Variants in CDH11 observed in about 807,000 individuals in gnomAD.
CDH11 encodes the protein cadherin 11.
A neutral mutation model predicts 67.8 loss-of-function variants in CDH11; 11 were observed. The observed-to-expected ratio is 0.16, with a 90% CI of 0.10 to 0.27. CDH11 has a LOEUF of 0.27. CDH11 is among the 10% of genes least tolerant of loss of function. The pLI is 1.00. For synonymous variants in CDH11, 419 were observed against 400.0 expected (o/e 1.05, Z -0.57); for missense variants, 847 against 1,031.2 (o/e 0.82, Z 2.45).
intron 11 of CDH11, among the ~76,000 whole-genome samples, chr16:64,970,934 A>T: frequency 6.6e-6 from 1 of 152,194 alleles, no homozygotes; most frequent in Non-Finnish European, 1.5e-5. Context: ...TACCAACTTT[A>T]TCTAGGGACT....
At chr16:64,954,701 G>C (rs1388748438) in intron 11 of CDH11, among the ~76,000 whole-genome samples, 1 of 152,134 alleles carries the variant, frequency 6.6e-6, no homozygotes, top group African/African-American at 2.4e-5. Context: ...GATCCAGGTT[G>C]TTCCAGGACC....
At chr16:64,970,173 G>A (rs1015704993) in intron 11 of CDH11, among the ~76,000 whole-genome samples, 1 of 152,108 alleles carries the variant, frequency 6.6e-6, no homozygotes, top group African/African-American at 2.4e-5. Context: ...GCAAGGCATT[G>A]GGAGAGAAAA....
intron 1 of CDH11, among the ~76,000 whole-genome samples, chr16:65,079,377 A>ATGTT (rs1483785714): frequency 6.6e-6 from 1 of 152,216 alleles, no homozygotes; most frequent in Non-Finnish European, 1.5e-5. Flanking sequence ...AAAAAAATTA[A>ATGTT]TGTTTTTTCT....
intron 3 of CDH11, among the ~76,000 whole-genome samples, chr16:65,003,024 G>A (rs1410666095): frequency 6.8e-6 from 1 of 146,268 alleles, no homozygotes; most frequent in African/African-American, 2.5e-5. Flanking sequence ...ATTTTGCCTA[G>A]CACGGCAGCT....
chr16:64,946,161 A>T lies in CDH11; in HGVS notation c.*1442T>A, dbSNP rs2142359722. 9.5e-7 allele frequency: 1 copy of T among 1,053,850 alleles called. No homozygotes were observed. The highest frequency in any genetic ancestry group is 5.4e-5 in the East Asian group (1 of 18,636). The allele number at this position is 1,053,850 out of a possible 1,614,324, so 65.3% of individuals were successfully genotyped here. Reference sequence around the variant, plus strand: ...TTCTAAACAAAGCTTTTTTAAATGAATCGCCCATTCTCATTAAAACATAAA... The same window carrying T: ...TTCTAAACAAAGCTTTTTTAAATGATTCGCCCATTCTCATTAAAACATAAA... On this transcript the variant is annotated 3_prime_UTR_variant, in exon 13 of 13. Coordinates refer to ENST00000268603, the MANE Select transcript of CDH11 (RefSeq NM_001797.4).
At chr16:65,047,105 C>A (rs903633051) in intron 2 of CDH11, among the ~76,000 whole-genome samples, 3 of 152,092 alleles carry the variant, frequency 2.0e-5, no homozygotes, top group Non-Finnish European at 2.9e-5. Context: ...CAAAGTGAGA[C>A]TCTGCCTCAA....
Position 64,944,462 on chromosome 16 carries a change from C to G in CDH11, c.*3141G>C. 1 of 233,048 alleles carries G rather than the reference C, an allele frequency of 4.3e-6. No homozygotes were observed. The highest frequency in any genetic ancestry group is 8.5e-6 in the Non-Finnish European group (1 of 117,946). 14.4% of individuals were successfully genotyped at this position (233,048 alleles called of 1,614,324 possible). A position where few individuals can be genotyped will look rare whatever the true frequency, so the allele number is the denominator to read the frequency against. On this transcript the variant is annotated 3_prime_UTR_variant, in exon 13 of 13. Coordinates refer to ENST00000268603, the MANE Select transcript of CDH11 (RefSeq NM_001797.4). ...GTTTATATGCTCCTAATCTGTCCTC[C>G]ACACTGCCTGCCAAATAAATTTTGC...
At chr16:65,009,467 TTTTTG>T (rs531902820) in intron 2 of CDH11, among the ~76,000 whole-genome samples, 27 of 152,230 alleles carry the variant, frequency 1.8e-4, no homozygotes, top group African/African-American at 3.8e-4. Flanking sequence ...TTGTTTCAGT[TTTTTG>T]TTTTGTTTTG....
intron 1 of CDH11, among the ~76,000 whole-genome samples, chr16:65,056,707 G>A (rs1385881303): frequency 6.6e-6 from 1 of 152,164 alleles, no homozygotes; most frequent in African/African-American, 2.4e-5. Context: ...ATCCAGCAGT[G>A]CTGACCTCAT....
chr16:65,022,818 C>T (rs933616938), intron 2 of CDH11, among the ~76,000 whole-genome samples: 10 of 152,258 alleles, frequency 6.6e-5, no homozygotes, highest in South Asian at 2.1e-4. Context: ...CCACAGCAAA[C>T]GCTGAAAATC....
At chr16:65,115,647 G>A (rs1036967392) in intron 1 of CDH11, among the ~76,000 whole-genome samples, 1 of 138,826 alleles carries the variant, frequency 7.2e-6, no homozygotes, top group African/African-American at 2.8e-5. Context: ...CTTATTCTTG[G>A]TCACATACTT....
chr16:64,992,637 C>T (rs2072658500), intron 5 of CDH11, among the ~76,000 whole-genome samples: 2 of 152,260 alleles, frequency 1.3e-5, no homozygotes, highest in African/African-American at 2.4e-5. Flanking sequence ...AGACTTAGTC[C>T]TTATTGCTCT....
intron 2 of CDH11, among the ~76,000 whole-genome samples, chr16:65,021,876 G>A (rs201299865): frequency 4.0e-3 from 443 of 109,728 alleles, no homozygotes; most frequent in Middle Eastern, 5.5e-3. Context: ...AAGTAACTCA[G>A]AAAAAAAAAA....
chr16:65,091,698 C>A (rs2074795790), intron 1 of CDH11, among the ~76,000 whole-genome samples: 1 of 151,816 alleles, frequency 6.6e-6, no homozygotes, highest in Non-Finnish European at 1.5e-5. Flanking sequence ...ACTACAGGCG[C>A]CCACCACCAC....
intron 8 of CDH11, chr16:64,981,716 G>C (rs899427288): frequency 5.2e-6 from 1 of 192,730 alleles, no homozygotes; most frequent in African/African-American, 2.3e-5. Flanking sequence ...TTAATAAATT[G>C]CAATTACTAT....
chr16:65,018,239 C>A (rs2073350663), intron 2 of CDH11, among the ~76,000 whole-genome samples: 1 of 152,140 alleles, frequency 6.6e-6, no homozygotes, highest in South Asian at 2.1e-4. Context: ...AGGTTAGGAA[C>A]CCTGTGCAGG....
At chr16:65,109,986 A>AT (rs1452799192) in intron 1 of CDH11, among the ~76,000 whole-genome samples, 1 of 152,068 alleles carries the variant, frequency 6.6e-6, no homozygotes, top group Non-Finnish European at 1.5e-5. Flanking sequence ...GGCTCAAGCA[A>AT]TATCTCCCGA....
chr16:65,042,488 G>A (rs1320788187), intron 2 of CDH11, among the ~76,000 whole-genome samples: 1 of 152,130 alleles, frequency 6.6e-6, no homozygotes, highest in Non-Finnish European at 1.5e-5. Flanking sequence ...GGGTTAGAAA[G>A]GGCTGGGTCT....
At chr16:65,084,383 G>A (rs1054672506) in intron 1 of CDH11, among the ~76,000 whole-genome samples, 1 of 152,064 alleles carries the variant, frequency 6.6e-6, no homozygotes, top group African/African-American at 2.4e-5. Flanking sequence ...TTGAGCCCAG[G>A]AGGTGGAGGT....
Sources: allele counts gnomAD v4.1 joint callset (sites outside exome capture counted in the v4.1 genomes callset), GRCh38; gene constraint gnomAD v4.1.1; transcripts MANE v1.5; gene names NCBI Gene and HGNC (gene_info 2026-07-23, HGNC 2026-07-21).